MAP3K5: variants seen among roughly 807,000 people sequenced by gnomAD.
MAP3K5 encodes the protein mitogen-activated protein kinase kinase kinase 5, also known as ASK-1.
A neutral mutation model predicts 158.7 loss-of-function variants in MAP3K5; 56 were observed. That is an observed-to-expected ratio of 0.35 (90% CI 0.28 to 0.44). The LOEUF (loss-of-function observed/expected upper bound fraction) is 0.44. MAP3K5 is among the 20% of genes least tolerant of loss of function. MAP3K5 has a pLI of 1.00. For synonymous variants in MAP3K5, 579 were observed against 601.7 expected, an observed-to-expected ratio of 0.96 and a Z score of 0.55; for missense variants, 1,294 against 1,674.8, an observed-to-expected ratio of 0.77 and a Z score of 3.97.
intron 11 of MAP3K5, among the ~76,000 whole-genome samples, chr6:136,646,410 G>C (rs1156423093): frequency 6.6e-6 from 1 of 152,014 alleles, no homozygotes; most frequent in Non-Finnish European, 1.5e-5. Context: ...ATGAAAACGA[G>C]GCTCACTTTA....
chr6:136,582,459 G>A (rs941184901), intron 24 of MAP3K5, among the ~76,000 whole-genome samples: 2 of 152,200 alleles, frequency 1.3e-5, no homozygotes, highest in Non-Finnish European at 2.9e-5. Flanking sequence ...AGGCAGTTGG[G>A]TTTCCCTAGT....
chr6:136,568,743 C>T (rs748163524), intron 25 of MAP3K5, among the ~76,000 whole-genome samples: 4 of 150,666 alleles, frequency 2.7e-5, no homozygotes, highest in East Asian at 2.0e-4. Context: ...CATGGTGGCA[C>T]GCTACTTGGG....
At chr6:136,761,379 G>A (rs1783751561) in intron 1 of MAP3K5, among the ~76,000 whole-genome samples, 1 of 151,712 alleles carries the variant, frequency 6.6e-6, no homozygotes, top group Middle Eastern at 3.5e-3. Context: ...GAAGACAGAA[G>A]AGTAGATCCC....
At chr6:136,699,850 T>G (rs1003508409) in intron 3 of MAP3K5, among the ~76,000 whole-genome samples, 8 of 152,152 alleles carry the variant, frequency 5.3e-5, no homozygotes, top group African/African-American at 1.7e-4. Context: ...TCCCAGCACT[T>G]TGGGAAGCCA....
At position 136,638,398 on chromosome 6, in the gene MAP3K5, C is replaced by T. The variant is rs147303116; in HGVS notation, c.1935-992G>A. Among the ~76,000 whole-genome samples the T allele has an allele frequency of 1.7e-3, 265 of 152,304 alleles. 2 individuals carry two copies. Among genetic ancestry groups the T allele is most frequent in the African/African-American group, 5.8e-3 (240 of 41,574 alleles). Reference sequence around the variant, plus strand: ...ATTCTGAAGTCTCCTGTGCCTGGTTCAAACCCCAGATTTTTATGCTTATTG... The same window carrying T: ...ATTCTGAAGTCTCCTGTGCCTGGTTTAAACCCCAGATTTTTATGCTTATTG... On this transcript the variant is annotated intron_variant, in intron 13 of 29. Coordinates refer to ENST00000359015, the MANE Select transcript of MAP3K5 (RefSeq NM_005923.4).
chr6:136,602,449 A>G (rs531336447), intron 19 of MAP3K5, among the ~76,000 whole-genome samples: 2 of 152,184 alleles, frequency 1.3e-5, no homozygotes, highest in South Asian at 2.1e-4. Flanking sequence ...GACTACAGGC[A>G]TATGCCACCA....
chr6:136,685,247 G>GGATTGC (rs1476177261), intron 7 of MAP3K5, among the ~76,000 whole-genome samples: 2 of 152,240 alleles, frequency 1.3e-5, no homozygotes, highest in East Asian at 3.9e-4. Flanking sequence ...GAACCCAGGA[G>GGATTGC]TTCAAGGCTG....
chr6:136,611,115 A>T (rs1776319437), intron 18 of MAP3K5, among the ~76,000 whole-genome samples, 167 bp downstream of exon 18: 1 of 145,352 alleles, frequency 6.9e-6, no homozygotes, highest in Non-Finnish European at 1.5e-5. Flanking sequence ...CTCAAAAAAA[A>T]AAAAAAAAAA....
At chr6:136,632,652 T>G (rs1383399375) in intron 14 of MAP3K5, among the ~76,000 whole-genome samples, 1 of 152,014 alleles carries the variant, frequency 6.6e-6, no homozygotes, top group Non-Finnish European at 1.5e-5. Flanking sequence ...AGACCTGAGA[T>G]CAGGGGAGTG....
intron 1 of MAP3K5, among the ~76,000 whole-genome samples, chr6:136,739,356 A>G (rs1290573845): frequency 2.0e-5 from 3 of 152,124 alleles, no homozygotes; most frequent in Non-Finnish European, 4.4e-5. Flanking sequence ...CTGTCAACCA[A>G]CAATAACAAT....
intron 1 of MAP3K5, among the ~76,000 whole-genome samples, chr6:136,763,160 T>G (rs926697284): frequency 6.6e-6 from 1 of 152,146 alleles, no homozygotes; most frequent in Admixed American, 6.5e-5. Flanking sequence ...GCCCAGCTAA[T>G]TTTTTCATTT....
At chr6:136,558,915 A>G (rs1359935142) in intron 28 of MAP3K5, 39 bp from the exon 29 acceptor site, 2 of 988,486 alleles carry the variant, frequency 2.0e-6, no homozygotes, top group African/African-American at 3.2e-5. Flanking sequence ...GATGTTTTAT[A>G]TAACTTTAAT....
intron 23 of MAP3K5, among the ~76,000 whole-genome samples, chr6:136,585,473 C>CT (rs562356592): frequency 7.3e-4 from 99 of 135,044 alleles, no homozygotes; most frequent in East Asian, 2.6e-3. Flanking sequence ...CTTTTCTTTT[C>CT]TTTATTTATT....
At chr6:136,766,671 G>A (rs1783980578) in intron 1 of MAP3K5, among the ~76,000 whole-genome samples, 1 of 152,102 alleles carries the variant, frequency 6.6e-6, no homozygotes, top group South Asian at 2.1e-4. Context: ...TTTCAGAGAA[G>A]GTTTCATATC....
chr6:136,745,397 C>T (rs897320665), intron 1 of MAP3K5, among the ~76,000 whole-genome samples: 11 of 152,090 alleles, frequency 7.2e-5, no homozygotes, highest in African/African-American at 2.2e-4. Flanking sequence ...AGAACACTGA[C>T]GTGACCTAGA....
At chr6:136,709,923 C>T (rs1425976111) in intron 2 of MAP3K5, among the ~76,000 whole-genome samples, 3 of 152,080 alleles carry the variant, frequency 2.0e-5, no homozygotes, top group Non-Finnish European at 2.9e-5. Flanking sequence ...CAAGAGAGTC[C>T]CATCTCTTAA....
intron 1 of MAP3K5, among the ~76,000 whole-genome samples, chr6:136,737,513 GGA>G (rs1782528123): frequency 3.3e-5 from 5 of 152,220 alleles, no homozygotes; most frequent in Admixed American, 3.3e-4. Context: ...AGAAAGGAAA[GGA>G]GAGGGCAGCC....
intron 1 of MAP3K5, among the ~76,000 whole-genome samples, chr6:136,779,312 G>A (rs968869246): frequency 5.9e-5 from 9 of 151,606 alleles, no homozygotes; most frequent in African/African-American, 1.5e-4. Context: ...GTGTGGTGGC[G>A]CATGCTTGTA....
chr6:136,680,620 A>G (rs757697098), intron 7 of MAP3K5, among the ~76,000 whole-genome samples: 2 of 152,228 alleles, frequency 1.3e-5, no homozygotes, highest in Non-Finnish European at 2.9e-5. Context: ...GGTCTTTACC[A>G]ATTCACATTC....
Sources: allele counts gnomAD v4.1 joint callset (sites outside exome capture counted in the v4.1 genomes callset), GRCh38; gene constraint gnomAD v4.1.1; transcripts MANE v1.5; gene names NCBI Gene and HGNC (gene_info 2026-07-23, HGNC 2026-07-21).